The following SGK3 variants were observed in gnomAD, a reference collection of about 807,000 sequenced individuals.
The protein encoded by SGK3 is serum/glucocorticoid regulated kinase family member 3.
In SGK3, 47 loss-of-function variants were observed where a neutral mutation model predicts 68.5. The ratio of observed to expected loss-of-function variants is 0.69; its 90% CI spans 0.54 to 0.87. SGK3 has a LOEUF of 0.87. Ranked by LOEUF, SGK3 falls within the 40% of genes least tolerant of loss-of-function variation. The pLI is 0.00. For missense variants in SGK3, 479 were observed against 575.5 expected, an observed-to-expected ratio of 0.83 and a Z score of 1.72; for synonymous variants, 181 against 189.1, an observed-to-expected ratio of 0.96 and a Z score of 0.35.
chr8:66,853,217 T>C (rs987834178), intron 16 of SGK3, among the ~76,000 whole-genome samples: 2 of 152,190 alleles, frequency 1.3e-5, no homozygotes, highest in African/African-American at 4.8e-5. Flanking sequence ...AAGTAGAACA[T>C]GGGCTCTGTC....
Position 66,850,785 on chromosome 8 carries a change from A to G in SGK3, c.1231-46A>G, listed in dbSNP as rs934006417. 2.6e-6 allele frequency: 4 copies of G among 1,539,058 alleles called. No homozygotes were observed. The African/African-American group carries it at 4.1e-5, about 16-fold the overall frequency. On this transcript the variant is annotated intron_variant, in intron 15 of 16. Coordinates refer to ENST00000521198, the MANE Select transcript of SGK3 (RefSeq NM_001033578.3). The stretch of plus-strand genomic sequence containing the variant: ...CATAAAATTATGCAGTTAGTACTTA[A>G]TATATTCTTCGGCATTAGTAAAACA...
At position 66,822,575 on chromosome 8, in the gene SGK3, A is replaced by G. The variant is rs181915874; in HGVS notation, c.417+116A>G. On this transcript the variant is annotated intron_variant, in intron 6 of 16. Transcript: ENST00000521198. ...TTTCATCCATAGTAGAGTTTCTACT[A>G]TGTAGAACACATAAAAACAAATGCA... 298 of 921,114 alleles carry G rather than the reference A, an allele frequency of 3.2e-4. No individual in the cohort carries two copies. In the African/African-American group the frequency reaches 4.0e-3, roughly 12 times the overall value. 57.1% of individuals were successfully genotyped at this position (921,114 alleles called of 1,614,324 possible). A position where few individuals can be genotyped will look rare whatever the true frequency, so the allele number is the denominator to read the frequency against.
chr8:66,835,447 A>G (rs1260305865), intron 8 of SGK3, among the ~76,000 whole-genome samples: 1 of 152,208 alleles, frequency 6.6e-6, no homozygotes, highest in Non-Finnish European at 1.5e-5. Context: ...TATTTTCTAC[A>G]GGCAATATTT....
At chr8:66,774,578 A>G (rs1291106968) in intron 1 of SGK3, among the ~76,000 whole-genome samples, 2 of 152,122 alleles carry the variant, frequency 1.3e-5, no homozygotes, top group African/African-American at 4.8e-5. Flanking sequence ...CGCAAACCTT[A>G]GAGTAGCACA....
At chr8:66,729,517 C>T (rs905681782) in intron 1 of SGK3, among the ~76,000 whole-genome samples, 5 of 151,892 alleles carry the variant, frequency 3.3e-5, no homozygotes, top group Non-Finnish European at 7.4e-5. Flanking sequence ...TTTGCTTATT[C>T]ATTCATCTAT....
chr8:66,810,991 G>A (rs1189271734), intron 4 of SGK3, among the ~76,000 whole-genome samples: 1 of 151,998 alleles, frequency 6.6e-6, no homozygotes, highest in African/African-American at 2.4e-5. Context: ...TTAATAGGAT[G>A]CACCCAGAGG....
chr8:66,847,328 C>G lies in SGK3; in HGVS notation c.1210C>G (p.Leu404Val). The G allele has an allele frequency of 1.2e-6, 2 of 1,613,878 alleles. No homozygotes were observed. Among genetic ancestry groups the G allele is most frequent in the Non-Finnish European group, 1.7e-6 (2 of 1,179,964 alleles). ...CCTAGAAAAAGACAGGCAAAATCGA[C>G]TTGGTGCCAAGGAAGACTTTGTATG... ...ELLEKDRQNRLGAKEDFLEIQ... is the reference protein window; with the variant it reads ...ELLEKDRQNRVGAKEDFLEIQ... The change falls in exon 15 of 17, where the codon CTT becomes GTT. Residue 404 changes from leucine to valine, a missense_variant. Leu to Val is a conservative substitution (Grantham distance 32, BLOSUM62 1). Coordinates refer to ENST00000521198, the MANE Select transcript of SGK3 (RefSeq NM_001033578.3).
intron 16 of SGK3, among the ~76,000 whole-genome samples, chr8:66,852,560 T>C (rs1370081492): frequency 2.0e-5 from 3 of 152,200 alleles, no homozygotes; most frequent in African/African-American, 7.2e-5. Flanking sequence ...ATTACACGCA[T>C]GAGCTACTGT....
At chr8:66,808,248 CCT>C (rs1209777336) in intron 4 of SGK3, among the ~76,000 whole-genome samples, 2 of 152,052 alleles carry the variant, frequency 1.3e-5, no homozygotes, top group African/African-American at 2.4e-5. Context: ...AACAAAGCAG[CCT>C]CTAACAACTG....
At chr8:66,764,593 C>T (rs1262187620) in intron 1 of SGK3, among the ~76,000 whole-genome samples, 2 of 152,130 alleles carry the variant, frequency 1.3e-5, no homozygotes, top group South Asian at 2.1e-4. Flanking sequence ...ACCTCAGCCT[C>T]CTGTAGCTGG....
intron 1 of SGK3, among the ~76,000 whole-genome samples, chr8:66,749,986 TATGAG>T (rs67315710): frequency 6.6e-6 from 1 of 151,454 alleles, no homozygotes; most frequent in Non-Finnish European, 1.5e-5. Context: ...AATCTCTAAA[TATGAG>T]AGGTGAAAAA....
chr8:66,750,276 T>A (rs1228896216), intron 1 of SGK3, among the ~76,000 whole-genome samples: 1 of 152,130 alleles, frequency 6.6e-6, no homozygotes, highest in Non-Finnish European at 1.5e-5. Context: ...TCTGATATAA[T>A]GCCTTCCTTT....
intron 13 of SGK3, among the ~76,000 whole-genome samples, chr8:66,843,107 A>G (rs1377707801): frequency 6.6e-6 from 1 of 152,162 alleles, no homozygotes; most frequent in Non-Finnish European, 1.5e-5. Context: ...GAAAACATGA[A>G]TAATGACCAA....
At position 66,821,179 on chromosome 8, in the gene SGK3, C is replaced by T. The variant is rs190440345; in HGVS notation, c.330-1193C>T. Reference sequence around the variant, plus strand: ...CTGTGGGCCATCTCTAATTTTAGTCCGTTTTTTTCTCTTCATCCTTCTTCT... The same window carrying T: ...CTGTGGGCCATCTCTAATTTTAGTCTGTTTTTTTCTCTTCATCCTTCTTCT... On this transcript the variant is annotated intron_variant, in intron 5 of 16. Coordinates refer to ENST00000521198, the MANE Select transcript of SGK3 (RefSeq NM_001033578.3). 1.6e-3 allele frequency among the ~76,000 whole-genome samples: 246 copies of T among 152,128 alleles called. 1 individual carries two copies. Among genetic ancestry groups the T allele is most frequent in the African/African-American group, 5.5e-3 (229 of 41,490 alleles).
chr8:66,739,097 G>C (rs763416446), intron 1 of SGK3, among the ~76,000 whole-genome samples: 32 of 152,140 alleles, frequency 2.1e-4, no homozygotes, highest in Non-Finnish European at 3.5e-4. Flanking sequence ...GTAACAGAAT[G>C]CTTGAGGCTG....
intron 5 of SGK3, among the ~76,000 whole-genome samples, chr8:66,819,445 G>T (rs1212686411): frequency 3.9e-5 from 6 of 152,112 alleles, no homozygotes; most frequent in Admixed American, 3.9e-4. Flanking sequence ...CATTGTTTAT[G>T]GTAATGAAAA....
At chr8:66,804,552 C>T in intron 4 of SGK3, 105 bp downstream of exon 4, 1 of 1,166,972 alleles carries the variant, frequency 8.6e-7, no homozygotes, top group Non-Finnish European at 1.2e-6. Context: ...TTTAAAAGAT[C>T]TTATGCTCTG....
At chr8:66,805,560 T>C (rs530681753) in intron 4 of SGK3, among the ~76,000 whole-genome samples, 22 of 151,650 alleles carry the variant, frequency 1.5e-4, no homozygotes, top group African/African-American at 5.1e-4. Flanking sequence ...TCCTATTGCT[T>C]ACCCTTGGGG....
intron 5 of SGK3, 29 bp downstream of exon 5, chr8:66,813,957 G>A: frequency 1.3e-6 from 2 of 1,535,994 alleles, no homozygotes; most frequent in Non-Finnish European, 1.8e-6. Flanking sequence ...GTTCTAAAGG[G>A]ACATTAAAAC....
Sources: allele counts gnomAD v4.1 joint callset (sites outside exome capture counted in the v4.1 genomes callset), GRCh38; gene constraint gnomAD v4.1.1; transcripts MANE v1.5; gene names NCBI Gene and HGNC (gene_info 2026-07-23, HGNC 2026-07-21).